Variants in EPAS1 observed in about 807,000 individuals in gnomAD.
The protein encoded by EPAS1 is endothelial PAS domain protein 1.
In EPAS1, 23 loss-of-function variants were observed where a neutral mutation model predicts 87.9. The ratio of observed to expected loss-of-function variants is 0.26; its 90% CI spans 0.19 to 0.37. The LOEUF (loss-of-function observed/expected upper bound fraction) is 0.37. EPAS1 is among the 10% of genes least tolerant of loss of function. EPAS1 has a pLI of 1.00. For missense variants in EPAS1, 1,138 were observed against 1,120.7 expected (o/e 1.02, Z -0.22); for synonymous variants, 508 against 444.3 (o/e 1.14, Z -1.80).
intron 1 of EPAS1, among the ~76,000 whole-genome samples, chr2:46,313,037 C>T (rs1421203482): frequency 6.6e-6 from 1 of 152,192 alleles, no homozygotes; most frequent in African/African-American, 2.4e-5. Flanking sequence ...TGTGGGCTCC[C>T]AAAGAAAGCA....
At chr2:46,324,504 G>T (rs961882828) in intron 1 of EPAS1, among the ~76,000 whole-genome samples, 10 of 152,230 alleles carry the variant, frequency 6.6e-5, no homozygotes, top group Non-Finnish European at 1.3e-4. Flanking sequence ...CATGCTGGAG[G>T]TAGGGAACAG....
intron 9 of EPAS1, among the ~76,000 whole-genome samples, chr2:46,377,457 T>A (rs1424093159): frequency 6.6e-6 from 1 of 152,210 alleles, no homozygotes; most frequent in African/African-American, 2.4e-5. Flanking sequence ...TTAGATGGGT[T>A]CTACAGCGGC....
intron 2 of EPAS1, among the ~76,000 whole-genome samples, chr2:46,355,832 A>T (rs116372582): frequency 6.6e-6 from 1 of 152,346 alleles, no homozygotes; most frequent in African/African-American, 2.4e-5. Context: ...TATAGGCTGT[A>T]CAGGTGGTTG....
chr2:46,383,923 C>A (rs541595277), intron 15 of EPAS1, among the ~76,000 whole-genome samples: 1 of 152,150 alleles, frequency 6.6e-6, no homozygotes, highest in Non-Finnish European at 1.5e-5. Flanking sequence ...ATCGGAGGGG[C>A]AGAATGCAGG....
At chr2:46,305,682 A>T (rs1572612199) in intron 1 of EPAS1, among the ~76,000 whole-genome samples, 1 of 151,240 alleles carries the variant, frequency 6.6e-6, no homozygotes, top group South Asian at 2.1e-4. Flanking sequence ...GATTGTTAGA[A>T]GTGTCTCATA....
rs1212292090 is a variant in EPAS1 at position 46,380,838 on chromosome 2, C to A, written c.2045+121C>A. 6.5e-7 allele frequency: 1 copy of A among 1,532,418 alleles called. No individual in the cohort carries two copies. Among genetic ancestry groups the A allele is most frequent in the Non-Finnish European group, 8.9e-7 (1 of 1,125,864 alleles). The allele number at this position is 1,532,418 out of a possible 1,614,324, so 94.9% of individuals were successfully genotyped here. On this transcript the variant is annotated intron_variant, in intron 12 of 15. Coordinates refer to ENST00000263734, the MANE Select transcript of EPAS1 (RefSeq NM_001430.5). The surrounding 1 kb of genome is among the most constrained non-coding windows in gnomAD (Gnocchi z 4.4). ...CCCAGCCATCTGATACCCCATTTAG[C>A]CCTTCTCTGAGCTCAGACTTTGGGG...
intron 1 of EPAS1, among the ~76,000 whole-genome samples, chr2:46,342,104 G>C (rs1043116056): frequency 6.6e-6 from 1 of 152,144 alleles, no homozygotes; most frequent in Non-Finnish European, 1.5e-5. Context: ...CTGCACCTGA[G>C]ACCTATTAAA....
In EPAS1 at chr2:46,315,079, C is replaced by T. The variant is rs570041371; in HGVS notation, c.26+17142C>T. On this transcript the variant is annotated intron_variant, in intron 1 of 15. Transcript: ENST00000263734. ...TGTTAGATGGCTGATATGATCTCTG[C>T]CCTGCCAGTTGGATTGGGGCTTCCA... is the stretch of plus-strand genomic sequence containing the variant. 2.6e-5 allele frequency among the ~76,000 whole-genome samples: 4 copies of T among 152,334 alleles called. No individual in the cohort carries two copies. In the South Asian group the frequency reaches 8.3e-4, roughly 32 times the overall value.
chr2:46,320,536 G>A (rs899975267), intron 1 of EPAS1, among the ~76,000 whole-genome samples: 2 of 152,194 alleles, frequency 1.3e-5, no homozygotes, highest in African/African-American at 4.8e-5. Context: ...TGGAAAGATC[G>A]AAGCAAACCT....
intron 1 of EPAS1, among the ~76,000 whole-genome samples, chr2:46,327,246 C>T (rs747172914): frequency 2.6e-5 from 4 of 151,944 alleles, no homozygotes; most frequent in Non-Finnish European, 5.9e-5. Context: ...ATTGTGTTGG[C>T]ATAATGAAAA....
intron 1 of EPAS1, among the ~76,000 whole-genome samples, chr2:46,301,280 C>T (rs959772524): frequency 1.3e-5 from 2 of 152,012 alleles, no homozygotes; most frequent in African/African-American, 4.8e-5. Context: ...AAAATTAGTG[C>T]TGATAAGAGT....
In EPAS1 at chr2:46,347,114, T is replaced by C; in HGVS notation, c.217+51T>C. 6.2e-7 allele frequency: 1 copy of C among 1,605,620 alleles called. No homozygotes were observed. The highest frequency in any genetic ancestry group is 1.1e-5 in the South Asian group (1 of 90,926). On this transcript the variant is annotated intron_variant, in intron 2 of 15. Coordinates refer to ENST00000263734, the MANE Select transcript of EPAS1 (RefSeq NM_001430.5). This position sits in a 1 kb window ranked among gnomAD's most constrained non-coding sequence, Gnocchi z 4.2. ...TGGGCAGATGCCAGCCTTACCAGCA[T>C]GTTCCTATATGCAGGGGACCCTTCT...
chr2:46,375,593 C>T lies in EPAS1; in HGVS notation c.887-97C>T, dbSNP rs1684727611. The T allele has an allele frequency of 6.8e-7, 1 of 1,464,258 alleles. No individual in the cohort carries two copies. Among genetic ancestry groups the T allele is most frequent in the Non-Finnish European group, 9.4e-7 (1 of 1,068,332 alleles). 90.7% of individuals were successfully genotyped at this position (1,464,258 alleles called of 1,614,324 possible). On this transcript the variant is annotated intron_variant, in intron 7 of 15. Transcript: ENST00000263734. This position sits in a 1 kb window ranked among gnomAD's most constrained non-coding sequence, Gnocchi z 4.1. ...CGTGGCGCCCTGTTCTGTCTGTTCC[C>T]CTGCAGATTAGACTGCCCTCCCATG... is the stretch of plus-strand genomic sequence containing the variant.
intron 1 of EPAS1, among the ~76,000 whole-genome samples, chr2:46,343,715 C>T (rs1197496706): frequency 2.0e-5 from 3 of 152,238 alleles, no homozygotes; most frequent in Non-Finnish European, 4.4e-5. Flanking sequence ...CTCAATCTTC[C>T]TTTTTCTGGA....
At chr2:46,336,850 C>G (rs866691828) in intron 1 of EPAS1, among the ~76,000 whole-genome samples, 2 of 152,354 alleles carry the variant, frequency 1.3e-5, no homozygotes, top group Middle Eastern at 3.4e-3. Flanking sequence ...CTGGGTGATT[C>G]CTGGCCACAG....
chr2:46,328,211 G>A (rs1345677542), intron 1 of EPAS1, among the ~76,000 whole-genome samples: 5 of 152,168 alleles, frequency 3.3e-5, no homozygotes, highest in Non-Finnish European at 7.3e-5. Flanking sequence ...ACCCCGGCCA[G>A]GAAATTGGGG....
chr2:46,376,961 C>T (rs1327204684), intron 9 of EPAS1, among the ~76,000 whole-genome samples: 2 of 152,172 alleles, frequency 1.3e-5, no homozygotes, highest in Admixed American at 6.5e-5. Flanking sequence ...ATCCCATATC[C>T]GACCTCACCA....
intron 9 of EPAS1, among the ~76,000 whole-genome samples, chr2:46,377,615 G>A (rs988521618): frequency 2.6e-5 from 4 of 152,242 alleles, no homozygotes; most frequent in Admixed American, 6.5e-5. Flanking sequence ...CTACCCTTCC[G>A]GATCTGTTCC....
intron 1 of EPAS1, among the ~76,000 whole-genome samples, chr2:46,334,743 A>G (rs897680764): frequency 7.9e-5 from 12 of 152,234 alleles, no homozygotes; most frequent in Admixed American, 2.6e-4. Flanking sequence ...TGGGGGAAAA[A>G]TACAGTTTTA....
Sources: allele counts gnomAD v4.1 joint callset (sites outside exome capture counted in the v4.1 genomes callset), GRCh38; gene constraint gnomAD v4.1.1; non-coding constraint Gnocchi (gnomAD v3.1); transcripts MANE v1.5; gene names NCBI Gene and HGNC (gene_info 2026-07-23, HGNC 2026-07-21).